Variants in DMC1 observed in about 807,000 individuals in gnomAD.
DMC1 encodes the protein meiotic recombination protein DMC1 homolog.
A neutral mutation model predicts 50.1 loss-of-function variants in DMC1; 27 were observed. The ratio of observed to expected loss-of-function variants is 0.54; its 90% CI spans 0.40 to 0.74. The LOEUF (loss-of-function observed/expected upper bound fraction) is 0.74. Among genes scored for constraint, DMC1 ranks in the 30% least tolerant of loss-of-function variants. The pLI, the probability that DMC1 is intolerant of heterozygous loss-of-function variation, is 0.00. For missense variants in DMC1, 295 were observed against 420.2 expected, an observed-to-expected ratio of 0.70 and a Z score of 2.60; for synonymous variants, 148 against 136.1, an observed-to-expected ratio of 1.09 and a Z score of -0.61.
At chr22:38,529,714 A>C (rs1980455) in intron 12 of DMC1, among the ~76,000 whole-genome samples, 62,845 of 151,890 alleles carry the variant, frequency 0.41, 13,524 homozygotes, top group African/African-American at 0.53. Flanking sequence ...ATCCTGGCTC[A>C]CACATTTTTA....
chr22:38,561,518 T>C (rs11570394), intron 5 of DMC1, among the ~76,000 whole-genome samples: 1,869 of 152,220 alleles, frequency 0.012, 25 homozygotes, highest in African/African-American at 0.043. Flanking sequence ...AGGTTTTAGG[T>C]CAGAGGATCA....
intron 7 of DMC1, among the ~76,000 whole-genome samples, chr22:38,551,169 A>AG (rs2090405504): frequency 6.6e-6 from 1 of 150,608 alleles, no homozygotes; most frequent in Non-Finnish European, 1.5e-5. Flanking sequence ...AATCGCTTGA[A>AG]CCTGGGAGGC....
intron 12 of DMC1, among the ~76,000 whole-genome samples, chr22:38,524,407 T>G (rs1355633623): frequency 6.6e-6 from 1 of 151,704 alleles, no homozygotes; most frequent in African/African-American, 2.4e-5. Context: ...CAGAGCGAGA[T>G]TCCGTCTCAA....
At position 38,538,632 on chromosome 22, in the gene DMC1, G is replaced by C; in HGVS notation, c.587-20C>G. Reference sequence around the variant, plus strand: ...GTTCACCTGATGGGAAATGCAGTGAGAAAATGTTATAAAAGTTGAAAGAAG... The same window carrying C: ...GTTCACCTGATGGGAAATGCAGTGACAAAATGTTATAAAAGTTGAAAGAAG... On this transcript the variant is annotated intron_variant, in intron 9 of 13. Coordinates refer to ENST00000216024, the MANE Select transcript of DMC1 (RefSeq NM_007068.4). The C allele has an allele frequency of 1.2e-6, 2 of 1,604,716 alleles. 1 individual carries two copies. The highest frequency in any genetic ancestry group is 1.7e-6 in the Non-Finnish European group (2 of 1,171,622).
At chr22:38,553,272 G>A (rs886579694) in intron 6 of DMC1, among the ~76,000 whole-genome samples, 10 of 148,572 alleles carry the variant, frequency 6.7e-5, no homozygotes, top group African/African-American at 2.2e-4. Flanking sequence ...GCTGAGGCGG[G>A]TGGATCACAA....
In DMC1 at chr22:38,521,586, C is replaced by T. The variant is rs779053991; in HGVS notation, c.953+22G>A. 2.3e-5 allele frequency: 30 copies of T among 1,277,986 alleles called. No individual in the cohort carries two copies. The African/African-American group carries it at 4.4e-4, about 19-fold the overall frequency. 79.2% of individuals were successfully genotyped at this position (1,277,986 alleles called of 1,614,324 possible). A position where few individuals can be genotyped will look rare whatever the true frequency, so the allele number is the denominator to read the frequency against. ...ACACACACACACACACACACACACA[C>T]ACAAAATAAAAAAAAATTTACCTGT... On this transcript the variant is annotated intron_variant, in intron 13 of 13. Coordinates refer to ENST00000216024, the MANE Select transcript of DMC1 (RefSeq NM_007068.4).
At chr22:38,526,598 T>G (rs1253184567) in intron 12 of DMC1, among the ~76,000 whole-genome samples, 2 of 151,854 alleles carry the variant, frequency 1.3e-5, no homozygotes. Context: ...AGGGCACATA[T>G]ACACACATAC....
chr22:38,547,395 A>G (rs967510433), intron 8 of DMC1, among the ~76,000 whole-genome samples: 1 of 152,200 alleles, frequency 6.6e-6, no homozygotes, highest in Non-Finnish European at 1.5e-5. Context: ...TGCCTCTAAT[A>G]GTGGCAATGG....
chr22:38,546,338 G>A (rs2090344534), intron 8 of DMC1, among the ~76,000 whole-genome samples: 1 of 151,958 alleles, frequency 6.6e-6, no homozygotes, highest in African/African-American at 2.4e-5. Context: ...GTAGTGAGCC[G>A]AGATCGCACC....
intron 8 of DMC1, among the ~76,000 whole-genome samples, chr22:38,539,708 T>G (rs2090259706): frequency 6.6e-6 from 1 of 152,208 alleles, no homozygotes; most frequent in South Asian, 2.1e-4. Context: ...ATGGCCTGTT[T>G]TACATTTTAC....
chr22:38,533,267 C>T (rs554642641), intron 12 of DMC1, among the ~76,000 whole-genome samples: 21 of 151,592 alleles, frequency 1.4e-4, no homozygotes, highest in Non-Finnish European at 8.8e-5. Flanking sequence ...TGGTGGCGGG[C>T]GCCTATAGTC....
chr22:38,539,745 T>C (rs2090260168), intron 8 of DMC1, among the ~76,000 whole-genome samples: 4 of 152,150 alleles, frequency 2.6e-5, no homozygotes, highest in Non-Finnish European at 5.9e-5. Context: ...AAACAGAGAT[T>C]AGGCAAATGA....
chr22:38,538,859 A>C (rs2090248131), intron 9 of DMC1, among the ~76,000 whole-genome samples: 1 of 152,032 alleles, frequency 6.6e-6, no homozygotes, highest in African/African-American at 2.4e-5. Context: ...ACATGGTGAA[A>C]CCCTGACTCT....
At chr22:38,525,739 A>T (rs2090080779) in intron 12 of DMC1, among the ~76,000 whole-genome samples, 1 of 152,128 alleles carries the variant, frequency 6.6e-6, no homozygotes, top group Non-Finnish European at 1.5e-5. Context: ...CCAGGAGTTC[A>T]AGACCAGTCT....
In DMC1 at chr22:38,539,380, C is replaced by T. The variant is rs745833596; in HGVS notation, c.527G>A (p.Arg176His). The part of the protein sequence containing the change: ...RPDRLRDIAD[R>H]FNVDHDAVLD... ...TACTGCATCATGGTCTACATTAAAG[C>T]GATCAGCAATGTCCCTAAGGCGATC... is the stretch of plus-strand genomic sequence containing the variant. Residue 176 changes from arginine (R) to histidine (H), a missense_variant, in exon 9 of 14, where the codon CGC (arginine) becomes CAC (histidine). Physicochemically the swap from Arg to His is conservative, Grantham distance 29. Transcript: ENST00000216024. 2.0e-5 allele frequency: 32 copies of T among 1,613,854 alleles called. No homozygotes were observed. The highest frequency in any genetic ancestry group is 1.2e-4 in the Admixed American group (7 of 59,988).
intron 8 of DMC1, among the ~76,000 whole-genome samples, chr22:38,540,687 T>G (rs2090271307): frequency 6.6e-6 from 1 of 152,226 alleles, no homozygotes; most frequent in South Asian, 2.1e-4. Flanking sequence ...ACTAGATATG[T>G]TCTTGTTGTT....
intron 12 of DMC1, among the ~76,000 whole-genome samples, chr22:38,536,076 C>T (rs2090208680): frequency 6.6e-6 from 1 of 151,618 alleles, no homozygotes; most frequent in South Asian, 2.1e-4. Context: ...AAAAAATTAG[C>T]CAGGCGTGGC....
At chr22:38,549,391 G>A (rs1276054381) in intron 8 of DMC1, 1 of 154,512 alleles carries the variant, frequency 6.5e-6, no homozygotes, top group Admixed American at 6.5e-5. Context: ...GGAGGCTGAG[G>A]CAGGTGGATC....
chr22:38,543,465 G>A (rs954697865), intron 8 of DMC1, among the ~76,000 whole-genome samples: 8 of 151,994 alleles, frequency 5.3e-5, no homozygotes, highest in Admixed American at 2.0e-4. Context: ...TCCTGACCTC[G>A]TGATCCACCC....
Sources: allele counts gnomAD v4.1 joint callset (sites outside exome capture counted in the v4.1 genomes callset), GRCh38; gene constraint gnomAD v4.1.1; transcripts MANE v1.5; gene names NCBI Gene and HGNC (gene_info 2026-07-23, HGNC 2026-07-21).